The following AIG1 variants were observed in gnomAD, a reference collection of about 807,000 sequenced individuals.
AIG1 encodes androgen-induced gene 1 protein.
AIG1 carries 23 observed loss-of-function variants against 31.4 expected under a neutral mutation model. That is an observed-to-expected ratio of 0.73 (90% CI 0.53 to 1.04). The LOEUF is 1.04. Among genes scored for constraint, AIG1 ranks in the 50% least tolerant of loss-of-function variants. AIG1 has a pLI of 0.00. For synonymous variants in AIG1, 100 were observed against 110.5 expected (o/e 0.90, Z 0.60); for missense variants, 274 against 295.0 (o/e 0.93, Z 0.52).
At chr6:143,162,219 T>C (rs757622111) in intron 2 of AIG1, among the ~76,000 whole-genome samples, 2 of 152,196 alleles carry the variant, frequency 1.3e-5, no homozygotes, top group Non-Finnish European at 2.9e-5. Context: ...GCAAAATATG[T>C]GCAGTATCTG....
intron 3 of AIG1, among the ~76,000 whole-genome samples, chr6:143,184,185 T>C (rs1011595597): frequency 6.6e-6 from 1 of 152,228 alleles, no homozygotes; most frequent in African/African-American, 2.4e-5. Context: ...GGAGCTTCAA[T>C]AGCCAATAGC....
intron 3 of AIG1, among the ~76,000 whole-genome samples, chr6:143,197,621 A>G (rs936975690): frequency 2.6e-5 from 4 of 152,326 alleles, no homozygotes; most frequent in Non-Finnish European, 5.9e-5. Flanking sequence ...GTGAGTGGAC[A>G]TTATGTAATA....
At position 143,333,619 on chromosome 6, in the gene AIG1, C is replaced by T. The variant is rs1777258985; in HGVS notation, c.679+174C>T. Among the ~76,000 whole-genome samples, 1 of 152,122 alleles carries T rather than the reference C, an allele frequency of 6.6e-6. No individual in the cohort carries two copies. The highest frequency in any genetic ancestry group is 1.9e-4 in the East Asian group (1 of 5,198). On this transcript the variant is annotated intron_variant, in intron 5 of 5. Transcript: ENST00000357847. This position sits in a 1 kb window ranked among gnomAD's most constrained non-coding sequence, Gnocchi z 4.6. The stretch of plus-strand genomic sequence containing the variant: ...GAATTTAAGAGCTGCTGACAGTTAC[C>T]TGAAAGTTTTACTAGTCACTTGGTC...
At chr6:143,124,767 G>C (rs571758669) in intron 1 of AIG1, among the ~76,000 whole-genome samples, 2 of 152,244 alleles carry the variant, frequency 1.3e-5, no homozygotes, top group East Asian at 3.9e-4. Context: ...GGACAGGAGT[G>C]GGTGCAAGTG....
intron 3 of AIG1, among the ~76,000 whole-genome samples, chr6:143,218,107 C>A (rs894386116): frequency 6.6e-6 from 1 of 152,212 alleles, no homozygotes; most frequent in Admixed American, 6.5e-5. Flanking sequence ...TCTTTTGCAA[C>A]CTAAATGAAC....
At chr6:143,265,812 G>A (rs776611162) in intron 3 of AIG1, among the ~76,000 whole-genome samples, 1 of 152,116 alleles carries the variant, frequency 6.6e-6, no homozygotes, top group African/African-American at 2.4e-5. Context: ...CAGTGTTTCT[G>A]CAAAATCCTC....
chr6:143,261,748 C>T (rs1168436932), intron 3 of AIG1, among the ~76,000 whole-genome samples: 1 of 152,112 alleles, frequency 6.6e-6, no homozygotes, highest in Non-Finnish European at 1.5e-5. Flanking sequence ...TTAGAGGAAA[C>T]CTCATAAACT....
At chr6:143,121,963 G>C (rs903784966) in intron 1 of AIG1, among the ~76,000 whole-genome samples, 9 of 152,042 alleles carry the variant, frequency 5.9e-5, no homozygotes, top group African/African-American at 2.2e-4. Flanking sequence ...GTTTAGTTTT[G>C]TTTATGGTAT....
At chr6:143,335,303 G>A in intron 5 of AIG1, 1 of 375,426 alleles carries the variant, frequency 2.7e-6, no homozygotes, top group Non-Finnish European at 4.7e-6. Context: ...GGAGACTGAG[G>A]CAGGTGGATC....
intron 4 of AIG1, among the ~76,000 whole-genome samples, chr6:143,322,388 C>T (rs1252655721): frequency 2.0e-5 from 3 of 152,166 alleles, no homozygotes; most frequent in African/African-American, 7.2e-5. Flanking sequence ...GCAGTTCTGC[C>T]GTGTTTTGAT....
At chr6:143,210,365 G>C (rs941884503) in intron 3 of AIG1, among the ~76,000 whole-genome samples, 3 of 152,156 alleles carry the variant, frequency 2.0e-5, no homozygotes, top group Middle Eastern at 3.2e-3. Flanking sequence ...CTTCTTGAGT[G>C]TCAAGTGAAT....
chr6:143,199,678 A>G (rs538918619), intron 3 of AIG1, among the ~76,000 whole-genome samples: 2 of 152,328 alleles, frequency 1.3e-5, no homozygotes, highest in East Asian at 3.9e-4. Flanking sequence ...TTTGCTTTTG[A>G]GTCAACTAAG....
intron 1 of AIG1, among the ~76,000 whole-genome samples, chr6:143,090,610 TTACTG>T (rs1479720049): frequency 1.3e-5 from 2 of 152,232 alleles, no homozygotes; most frequent in Non-Finnish European, 2.9e-5. Context: ...TGTTTACACT[TTACTG>T]TAATCTACCA....
intron 3 of AIG1, among the ~76,000 whole-genome samples, chr6:143,240,733 A>T (rs1425675598): frequency 6.6e-6 from 1 of 152,212 alleles, no homozygotes. Flanking sequence ...AGAAAAATAA[A>T]TTTTTTAAAA....
chr6:143,284,376 T>A lies in AIG1; in HGVS notation c.515+151T>A. 1 of 578,406 alleles carries A rather than the reference T, an allele frequency of 1.7e-6. No individual in the cohort carries two copies. Among genetic ancestry groups the A allele is most frequent in the South Asian group, 2.4e-5 (1 of 41,658 alleles). The allele number at this position is 578,406 out of a possible 1,614,324, so 35.8% of individuals were successfully genotyped here. A position where few individuals can be genotyped will look rare whatever the true frequency, so the allele number is the denominator to read the frequency against. On this transcript the variant is annotated intron_variant, in intron 4 of 5. Coordinates refer to ENST00000357847, the MANE Select transcript of AIG1 (RefSeq NM_016108.4). This position sits in a 1 kb window ranked among gnomAD's most constrained non-coding sequence, Gnocchi z 4.4. ...CTGGGCTTTGTCTCGTTTCCCCAGA[T>A]GCTTATATTTTTAGAAAGTATATGC...
At chr6:143,187,975 C>T in intron 3 of AIG1, 5 of 1,184,094 alleles carry the variant, frequency 4.2e-6, no homozygotes, top group Non-Finnish European at 5.2e-6. Flanking sequence ...CATTTTGTAA[C>T]AGGTTGGAAA....
intron 3 of AIG1, among the ~76,000 whole-genome samples, chr6:143,170,963 A>G (rs1787450423): frequency 6.6e-6 from 1 of 152,108 alleles, no homozygotes; most frequent in Non-Finnish European, 1.5e-5. Flanking sequence ...CAAATGGGAC[A>G]ACATTAAGGA....
At chr6:143,305,215 T>C (rs1393978673) in intron 4 of AIG1, among the ~76,000 whole-genome samples, 1 of 152,206 alleles carries the variant, frequency 6.6e-6, no homozygotes, top group Non-Finnish European at 1.5e-5. Flanking sequence ...GTTTTTTGTG[T>C]CTCTGTTTCC....
At chr6:143,163,235 A>G (rs1423399064) in intron 2 of AIG1, among the ~76,000 whole-genome samples, 3 of 152,186 alleles carry the variant, frequency 2.0e-5, no homozygotes, top group Non-Finnish European at 2.9e-5. Flanking sequence ...CACTTGTGAA[A>G]TCTATCCAGC....
Sources: gnomAD v4.1 joint callset for allele counts (sites outside exome capture counted in the v4.1 genomes callset) on GRCh38, gnomAD v4.1.1 for gene constraint, Gnocchi (gnomAD v3.1) non-coding constraint, MANE v1.5 for transcripts, NCBI Gene and HGNC (gene_info 2026-07-23, HGNC 2026-07-21) for gene names.